Variants in ITGB6 observed in about 807,000 individuals in gnomAD.
The protein encoded by ITGB6 is integrin subunit beta 6, also known as integrin beta-6.
In ITGB6, 80 loss-of-function variants were observed where a neutral mutation model predicts 84.5. That is an observed-to-expected ratio of 0.95 (90% CI 0.79 to 1.14). ITGB6 has a LOEUF of 1.14. ITGB6 is among the 50% of genes most tolerant of loss of function. The pLI is 0.00. For missense variants in ITGB6, 1,006 were observed against 968.0 expected (o/e 1.04, Z -0.52); for synonymous variants, 383 against 354.9 (o/e 1.08, Z -0.89).
chr2:160,137,875 C>A (rs1683821045), intron 9 of ITGB6, 24 bp from the exon 10 acceptor site: 1 of 1,604,728 alleles, frequency 6.2e-7, no homozygotes, highest in Non-Finnish European at 8.5e-7. Context: ...TACTAATTAT[C>A]TCCCTCCATC....
chr2:160,189,083 A>G (rs1686031467), intron 4 of ITGB6, among the ~76,000 whole-genome samples: 1 of 152,190 alleles, frequency 6.6e-6, no homozygotes, highest in South Asian at 2.1e-4. Context: ...GACAAACCTG[A>G]CAAAAATAAG....
rs1038836725 is a variant in ITGB6, at chr2:160,165,115, G to A, written c.1017+4097C>T. On this transcript the variant is annotated intron_variant, in intron 7 of 14. Transcript: ENST00000283249. ...CATGGAGATGTCTCATAATCCAGAA[G>A]TGGTCGTTTTACTCCTAGATGATTT... Among the ~76,000 whole-genome samples, 4 of 152,196 alleles carry A rather than the reference G, an allele frequency of 2.6e-5. No homozygotes were observed. In the East Asian group the frequency reaches 7.7e-4, roughly 29 times the overall value.
intron 7 of ITGB6, among the ~76,000 whole-genome samples, chr2:160,149,853 A>G (rs1684343022): frequency 6.6e-6 from 1 of 152,226 alleles, no homozygotes; most frequent in Non-Finnish European, 1.5e-5. Context: ...AAGAAAGGGT[A>G]TCAGTGATTG....
At chr2:160,108,254 T>TGTGTGTGTGTGC (rs931322646) in intron 13 of ITGB6, among the ~76,000 whole-genome samples, 42 of 151,022 alleles carry the variant, frequency 2.8e-4, no homozygotes, top group African/African-American at 9.5e-4. Flanking sequence ...TGTGTGTGTG[T>TGTGTGTGTGTGC]GCTGCATGTC....
intron 7 of ITGB6, among the ~76,000 whole-genome samples, chr2:160,162,743 C>G (rs553316782): frequency 1.3e-5 from 2 of 152,056 alleles, no homozygotes; most frequent in Non-Finnish European, 2.9e-5. Context: ...CTCAGCCTCC[C>G]GAGTAGCTGG....
At chr2:160,173,658 T>A (rs1685302161) in intron 5 of ITGB6, among the ~76,000 whole-genome samples, 1 of 152,214 alleles carries the variant, frequency 6.6e-6, no homozygotes, top group Admixed American at 6.5e-5. Context: ...TACCCTTGAT[T>A]TTTTTATCAT....
intron 7 of ITGB6, among the ~76,000 whole-genome samples, chr2:160,163,900 T>C (rs1454225580): frequency 2.0e-5 from 3 of 152,184 alleles, no homozygotes; most frequent in African/African-American, 4.8e-5. Flanking sequence ...CGTTCCCTAT[T>C]ACACTATTAT....
chr2:160,121,254 C>T (rs1028262690), intron 12 of ITGB6, among the ~76,000 whole-genome samples: 1 of 152,086 alleles, frequency 6.6e-6, no homozygotes, highest in Non-Finnish European at 1.5e-5. Context: ...TTTGGGAATC[C>T]TCTATTTATT....
intron 11 of ITGB6, among the ~76,000 whole-genome samples, chr2:160,125,771 A>T (rs1042398255): frequency 6.6e-6 from 1 of 151,646 alleles, no homozygotes; most frequent in Non-Finnish European, 1.5e-5. Flanking sequence ...TTCATTAAGA[A>T]ATTGTGAGGT....
chr2:160,198,392 C>A (rs1361386318), intron 2 of ITGB6, among the ~76,000 whole-genome samples: 1 of 152,164 alleles, frequency 6.6e-6, no homozygotes, highest in African/African-American at 2.4e-5. Flanking sequence ...TTTGAGCATG[C>A]TACTCAGCTC....
chr2:160,124,887 G>T (rs1042611665), intron 11 of ITGB6, among the ~76,000 whole-genome samples: 17 of 152,188 alleles, frequency 1.1e-4, no homozygotes, highest in Non-Finnish European at 2.1e-4. Context: ...TTACTGTGAA[G>T]TTGCCTTGGC....
At chr2:160,173,546 C>A (rs987530276) in intron 5 of ITGB6, among the ~76,000 whole-genome samples, 2 of 152,162 alleles carry the variant, frequency 1.3e-5, no homozygotes, top group African/African-American at 4.8e-5. Context: ...GTAGAGACAG[C>A]AAACTTCCGA....
At chr2:160,182,761 G>A (rs1047853495) in intron 4 of ITGB6, among the ~76,000 whole-genome samples, 12 of 152,134 alleles carry the variant, frequency 7.9e-5, no homozygotes, top group African/African-American at 2.9e-4. Context: ...GGTTACCCAC[G>A]AAGAGAAGCC....
rs759407254 is a variant in ITGB6 at position 160,196,423 on chromosome 2, AAAAAAG to A, written c.142-9_142-4del. ...ACTCCAGATGGATGAGTAAAATTCT[AAAAAAG>A]AAAAAGAAAAACAATAACCAGAAAA... On this transcript the variant is annotated splice_polypyrimidine_tract_variant and splice_region_variant and intron_variant, in intron 2 of 14. Coordinates refer to ENST00000283249, the MANE Select transcript of ITGB6 (RefSeq NM_000888.5). 1.3e-6 allele frequency: 2 copies of A among 1,593,418 alleles called. No homozygotes were observed. Among genetic ancestry groups the A allele is most frequent in the South Asian group, 1.1e-5 (1 of 87,450 alleles).
At chr2:160,107,260 A>G (rs1043636197) in intron 14 of ITGB6, among the ~76,000 whole-genome samples, 1 of 152,192 alleles carries the variant, frequency 6.6e-6, no homozygotes, top group African/African-American at 2.4e-5. Context: ...ATTGGCATGA[A>G]TTATCGTACT....
rs1472926831 is a variant in ITGB6 at position 160,137,804 on chromosome 2, GCTT to G, written c.1287_1289del (p.Arg429del). On this transcript the variant is annotated inframe_deletion, in exon 10 of 15. Transcript: ENST00000283249. ...CCACAGGCTTTATGATAATGTGCCT[GCTT>G]CTTCTCTCGCAGTGTGGGATATTCA... is the stretch of plus-strand genomic sequence containing the variant. 6.2e-7 allele frequency: 1 copy of G among 1,614,024 alleles called. No individual in the cohort carries two copies. The highest frequency in any genetic ancestry group is 8.5e-7 in the Non-Finnish European group (1 of 1,180,030).
intron 7 of ITGB6, among the ~76,000 whole-genome samples, chr2:160,166,453 A>G (rs1333874392): frequency 3.3e-5 from 5 of 152,208 alleles, no homozygotes; most frequent in Non-Finnish European, 1.5e-5. Context: ...CAATGTCATA[A>G]AGAATGTTGA....
chr2:160,158,978 A>G (rs13388238), intron 7 of ITGB6, among the ~76,000 whole-genome samples: 2 of 152,110 alleles, frequency 1.3e-5, no homozygotes, highest in African/African-American at 4.8e-5. Context: ...GTGCGCCTGT[A>G]GTCCCCACTA....
intron 12 of ITGB6, among the ~76,000 whole-genome samples, chr2:160,118,508 C>T (rs62177889): frequency 0.67 from 101,101 of 151,482 alleles, 34,096 homozygotes; most frequent in Admixed American, 0.74. Flanking sequence ...ATTGATGGGA[C>T]GTATCTCAAA....
Sources: gnomAD v4.1 joint callset for allele counts (sites outside exome capture counted in the v4.1 genomes callset) on GRCh38, gnomAD v4.1.1 for gene constraint, MANE v1.5 for transcripts, NCBI Gene and HGNC (gene_info 2026-07-23, HGNC 2026-07-21) for gene names.